RERE: variants seen among roughly 807,000 people sequenced by gnomAD.
The protein encoded by RERE is arginine-glutamic acid dipeptide repeats, also known as arginine-glutamic acid dipeptide repeats protein.
A neutral mutation model predicts 146.1 loss-of-function variants in RERE; 40 were observed. The observed-to-expected ratio is 0.27, with a 90% CI of 0.21 to 0.36. The LOEUF (loss-of-function observed/expected upper bound fraction) is 0.36. Among genes scored for constraint, RERE ranks in the 10% least tolerant of loss-of-function variants. The pLI is 1.00. For missense variants in RERE, 1,933 were observed against 2,138.7 expected, an observed-to-expected ratio of 0.90 and a Z score of 1.90; for synonymous variants, 1,003 against 866.0, an observed-to-expected ratio of 1.16 and a Z score of -2.78.
intron 4 of RERE, among the ~76,000 whole-genome samples, chr1:8,602,112 T>G (rs183702307): frequency 1.3e-5 from 2 of 152,198 alleles, no homozygotes; most frequent in East Asian, 3.9e-4. Context: ...AAAAGCAGTC[T>G]GGGTGCGGTG....
At chr1:8,660,838 A>G (rs1638439369) in intron 1 of RERE, among the ~76,000 whole-genome samples, 1 of 152,230 alleles carries the variant, frequency 6.6e-6, no homozygotes, top group Admixed American at 6.5e-5. Context: ...TTTAAATAAG[A>G]AAAGGAAGAA....
intron 2 of RERE, among the ~76,000 whole-genome samples, chr1:8,647,641 ATGTGTGTGTGTGTGTGTGTGTG>A (rs1553127411): frequency 6.7e-6 from 1 of 148,534 alleles, no homozygotes; most frequent in African/African-American, 2.5e-5. Flanking sequence ...TAAAATATGT[ATGTGTGTGTGTGTGTGTGTGTG>A]TGTGTGTGTG....
At chr1:8,551,907 C>T (rs1025336120) in intron 6 of RERE, among the ~76,000 whole-genome samples, 5 of 152,110 alleles carry the variant, frequency 3.3e-5, no homozygotes, top group East Asian at 1.9e-4. Flanking sequence ...AATTCTTACC[C>T]GGGAATAAAC....
intron 1 of RERE, among the ~76,000 whole-genome samples, chr1:8,759,611 A>C (rs1640711172): frequency 1.3e-5 from 2 of 152,214 alleles, no homozygotes; most frequent in South Asian, 4.1e-4. Context: ...TAAAAAATCA[A>C]AATCTCAAGA....
chr1:8,785,742 C>T lies in RERE; in HGVS notation c.-145+31418G>A, dbSNP rs180958120. Among the ~76,000 whole-genome samples, 493 of 152,300 alleles carry T rather than the reference C, an allele frequency of 3.2e-3. 4 individuals carry two copies. Among genetic ancestry groups the T allele is most frequent in the South Asian group, 5.0e-3 (24 of 4,828 alleles). ...GTTCAAGCAATTCTCCTGCCTCAGC[C>T]TCCTGAGTAGCTGAGATTACAGGTG... On this transcript the variant is annotated intron_variant, in intron 1 of 22. Coordinates refer to ENST00000400908, the MANE Select transcript of RERE (RefSeq NM_001042681.2).
chr1:8,354,867 G>A lies in RERE; in HGVS notation c.*220C>T. ...CCAGTCCAGGACTCACTAAGTTTCTGGGGGACTGTCATGCAGGGAGATCCA... is the reference window on the plus strand; with the variant it reads ...CCAGTCCAGGACTCACTAAGTTTCTAGGGGACTGTCATGCAGGGAGATCCA... On this transcript the variant is annotated 3_prime_UTR_variant, in exon 23 of 23. Coordinates refer to ENST00000400908, the MANE Select transcript of RERE (RefSeq NM_001042681.2). 1.7e-6 allele frequency: 1 copy of A among 578,766 alleles called. No homozygotes were observed. Among genetic ancestry groups the A allele is most frequent in the Non-Finnish European group, 3.0e-6 (1 of 329,704 alleles). The allele number at this position is 578,766 out of a possible 1,614,324, so 35.9% of individuals were successfully genotyped here.
At chr1:8,458,861 T>C (rs959574987) in intron 11 of RERE, among the ~76,000 whole-genome samples, 2 of 152,258 alleles carry the variant, frequency 1.3e-5, no homozygotes, top group African/African-American at 4.8e-5. Context: ...CGACTTCTAC[T>C]GACATGAACT....
intron 1 of RERE, among the ~76,000 whole-genome samples, chr1:8,813,512 T>C (rs1253940210): frequency 3.3e-5 from 5 of 152,202 alleles, no homozygotes; most frequent in Admixed American, 2.6e-4. Flanking sequence ...TATATTCTTA[T>C]ATGTGTGTTT....
intron 5 of RERE, among the ~76,000 whole-genome samples, chr1:8,557,159 A>C (rs1158700222): frequency 6.6e-6 from 1 of 152,170 alleles, no homozygotes; most frequent in Non-Finnish European, 1.5e-5. Context: ...TGCCAGCGCC[A>C]GCACTGCCAC....
At chr1:8,473,280 G>A (rs949621591) in intron 10 of RERE, among the ~76,000 whole-genome samples, 4 of 152,114 alleles carry the variant, frequency 2.6e-5, no homozygotes, top group African/African-American at 9.7e-5. Context: ...CTTGAACCCA[G>A]TAGGACATTC....
At chr1:8,523,660 C>CACAAGAAGTA (rs144363601) in intron 7 of RERE, among the ~76,000 whole-genome samples, 97,133 of 152,032 alleles carry the variant, frequency 0.64, 31,533 homozygotes, top group East Asian at 0.83. Context: ...ATACATACCA[C>CACAAGAAGTA]ACTCATTAGA....
chr1:8,647,513 A>C (rs111254817), intron 2 of RERE, among the ~76,000 whole-genome samples: 1 of 152,204 alleles, frequency 6.6e-6, no homozygotes, highest in African/African-American at 2.4e-5. Flanking sequence ...CTACCCCACC[A>C]CAAAATATGA....
chr1:8,769,732 C>T (rs1398931621), intron 1 of RERE, among the ~76,000 whole-genome samples: 1 of 152,154 alleles, frequency 6.6e-6, no homozygotes, highest in African/African-American at 2.4e-5. Flanking sequence ...CTGCCTCAGC[C>T]TCCCGAAATG....
intron 7 of RERE, among the ~76,000 whole-genome samples, chr1:8,529,465 ATT>A (rs35913350): frequency 0.8 from 116,721 of 145,438 alleles, 46,889 homozygotes; most frequent in East Asian, 0.93. Flanking sequence ...AAATTTTTTA[ATT>A]TTTTTTTTTT....
At chr1:8,683,484 G>A (rs562376291) in intron 1 of RERE, among the ~76,000 whole-genome samples, 10 of 152,218 alleles carry the variant, frequency 6.6e-5, no homozygotes, top group African/African-American at 1.9e-4. Context: ...GAGACACACA[G>A]AAATTCTACA....
intron 1 of RERE, among the ~76,000 whole-genome samples, chr1:8,680,445 G>A (rs192037632): frequency 1.5e-4 from 23 of 152,086 alleles, no homozygotes; most frequent in Admixed American, 1.3e-3. Flanking sequence ...GCAAATTCTC[G>A]CCCGGAATTC....
At chr1:8,602,284 G>A (rs1279123253) in intron 4 of RERE, among the ~76,000 whole-genome samples, 1 of 151,796 alleles carries the variant, frequency 6.6e-6, no homozygotes, top group Non-Finnish European at 1.5e-5. Context: ...CCAGCTACTC[G>A]GGAGGCTGAG....
intron 4 of RERE, among the ~76,000 whole-genome samples, chr1:8,610,066 G>A (rs181243042): frequency 7.2e-5 from 11 of 152,188 alleles, no homozygotes; most frequent in African/African-American, 1.9e-4. Flanking sequence ...CATCATGCCC[G>A]GGCTGATTTG....
intron 11 of RERE, among the ~76,000 whole-genome samples, chr1:8,458,997 CTAAT>C (rs1219070782): frequency 6.6e-6 from 1 of 152,200 alleles, no homozygotes; most frequent in Non-Finnish European, 1.5e-5. Context: ...TTTCTGCAAA[CTAAT>C]TGACAGAACT....
Sources: allele counts gnomAD v4.1 joint callset (sites outside exome capture counted in the v4.1 genomes callset), GRCh38; gene constraint gnomAD v4.1.1; transcripts MANE v1.5; gene names NCBI Gene and HGNC (gene_info 2026-07-23, HGNC 2026-07-21).